POFUT1: variants seen among roughly 807,000 people sequenced by gnomAD.
The protein encoded by POFUT1 is protein O-fucosyltransferase 1.
A neutral mutation model predicts 42.4 loss-of-function variants in POFUT1; 16 were observed. That is an observed-to-expected ratio of 0.38 (90% CI 0.26 to 0.57). The LOEUF is 0.57. Ranked by LOEUF, POFUT1 falls within the 20% of genes least tolerant of loss-of-function variation. The pLI is 0.71. For synonymous variants in POFUT1, 206 were observed against 205.4 expected (o/e 1.00, Z -0.03); for missense variants, 470 against 504.6 (o/e 0.93, Z 0.66).
At chr20:32,216,373 AG>A (rs2047360151) in intron 3 of POFUT1, among the ~76,000 whole-genome samples, 1 of 152,236 alleles carries the variant, frequency 6.6e-6, no homozygotes, top group Non-Finnish European at 1.5e-5. Context: ...CTGGGTCAGC[AG>A]GATGTGACAT....
At chr20:32,223,403 C>T (rs919235719) in intron 4 of POFUT1, 1 of 985,278 alleles carries the variant, frequency 1.0e-6, no homozygotes, top group African/African-American at 1.7e-5. Flanking sequence ...CCCACTGGGA[C>T]AGCTCTTTGC....
chr20:32,237,218 A>G lies in POFUT1; in HGVS notation c.*2557A>G, dbSNP rs142901592. 3.3e-5 allele frequency: 5 copies of G among 153,236 alleles called. No individual in the cohort carries two copies. Among genetic ancestry groups the G allele is most frequent in the African/African-American group, 1.2e-4 (5 of 41,578 alleles). 9.5% of individuals were successfully genotyped at this position (153,236 alleles called of 1,614,324 possible). On this transcript the variant is annotated 3_prime_UTR_variant, in exon 7 of 7. Transcript: ENST00000375749. ...AGCAGGTGTTTGTTCATCACCTACT[A>G]TGTGTCAGGCTCTATGCTAGGTACT...
At chr20:32,210,737 C>G (rs1292750988) in intron 2 of POFUT1, among the ~76,000 whole-genome samples, 1 of 152,206 alleles carries the variant, frequency 6.6e-6, no homozygotes, top group Non-Finnish European at 1.5e-5. Context: ...CGATGCTCAC[C>G]GGCCCCCAGT....
intron 6 of POFUT1, among the ~76,000 whole-genome samples, chr20:32,232,407 A>G (rs551822970): frequency 4.4e-4 from 67 of 152,310 alleles, no homozygotes; most frequent in Non-Finnish European, 7.8e-4. Flanking sequence ...CAACCCCTCT[A>G]TTTTATAGCT....
Position 32,216,641 on chromosome 20 carries a change from G to T in POFUT1, c.462G>T (p.Gln154His), listed in dbSNP as rs1317634198. The stretch of plus-strand genomic sequence containing the variant: ...ACCCCTTTGGCCCATTCTGGGATCA[G>T]TTTCATGTGAGTTTCAACAAGTCGG... Reference protein sequence around the residue: ...EGNPFGPFWDQFHVSFNKSEL... With the variant: ...EGNPFGPFWDHFHVSFNKSEL... The change falls in exon 4 of 7, where the codon CAG (glutamine) becomes CAT (histidine). Residue 154 changes from glutamine (Q) to histidine (H), a missense_variant. Coordinates refer to ENST00000375749, the MANE Select transcript of POFUT1 (RefSeq NM_015352.2). The T allele has an allele frequency of 6.2e-7, 1 of 1,613,654 alleles. No homozygotes were observed. Among genetic ancestry groups the T allele is most frequent in the African/African-American group, 1.3e-5 (1 of 74,922 alleles).
chr20:32,216,710 A>C lies in POFUT1; in HGVS notation c.531A>C (p.Gln177His). 1 of 1,609,018 alleles carries C rather than the reference A, an allele frequency of 6.2e-7. No homozygotes were observed. Among genetic ancestry groups the C allele is most frequent in the Middle Eastern group, 1.7e-4 (1 of 6,058 alleles). The change falls in exon 4 of 7, where the codon CAA becomes CAC. Residue 177 changes from glutamine to histidine, a missense_variant. Transcript: ENST00000375749. Reference sequence around the variant, plus strand: ...CCTTCAGTGCTTCCTACAGAGAACAATGGAGCCAGAGGTACTTGGAGGGGG... The same window carrying C: ...CCTTCAGTGCTTCCTACAGAGAACACTGGAGCCAGAGGTACTTGGAGGGGG... ...GISFSASYRE[Q>H]WSQRFSPKEH...
At chr20:32,209,535 T>C (rs149936844) in intron 1 of POFUT1, among the ~76,000 whole-genome samples, 1 of 152,316 alleles carries the variant, frequency 6.6e-6, no homozygotes, top group African/African-American at 2.4e-5. Flanking sequence ...ATGCTGGGAT[T>C]AAGAAAAGGA....
chr20:32,208,288 AC>A (rs1416296027), intron 1 of POFUT1, among the ~76,000 whole-genome samples: 1 of 152,190 alleles, frequency 6.6e-6, no homozygotes, highest in African/African-American at 2.4e-5. Context: ...GGGAGAGGTT[AC>A]GTGACTTGCT....
rs747192876 is a variant in POFUT1 at position 32,212,885 on chromosome 20, A to ATTT, written c.247-2372_247-2370dup. Among the ~76,000 whole-genome samples the ATTT allele has an allele frequency of 7.8e-5, 11 of 141,362 alleles. No homozygotes were observed. In the South Asian group the frequency reaches 2.5e-3, roughly 32 times the overall value. 92.7% of individuals were successfully genotyped at this position (141,362 alleles called of 152,430 possible). On this transcript the variant is annotated intron_variant, in intron 2 of 6. Transcript: ENST00000375749. ...GCAAAAGCCACTGCGCCCAGCCAGA[A>ATTT]TTTTTTTTTTTTTTCCAAGACGGAG...
intron 3 of POFUT1, among the ~76,000 whole-genome samples, chr20:32,216,044 G>T (rs983461872): frequency 6.6e-6 from 1 of 152,196 alleles, no homozygotes; most frequent in African/African-American, 2.4e-5. Flanking sequence ...ATGAGAGGCT[G>T]TCATATCTTA....
rs1010139844 is a variant in POFUT1 at position 32,216,917 on chromosome 20, G to C, written c.542+196G>C. The C allele has an allele frequency of 1.1e-5, 17 of 1,578,668 alleles. No homozygotes were observed. The East Asian group carries it at 3.6e-4, about 33-fold the overall frequency. On this transcript the variant is annotated intron_variant, in intron 4 of 6. Transcript: ENST00000375749. ...GCCTGACACGGTGGAACATTGACCC[G>C]CCATGAGATTGAGAAAGAGTTCATC...
chr20:32,208,217 C>G (rs2047304391), intron 1 of POFUT1, 152 bp downstream of exon 1: 1 of 816,700 alleles, frequency 1.2e-6, no homozygotes, highest in East Asian at 3.0e-5. Flanking sequence ...GCCTTAGTTG[C>G]AAGGGCACAG....
In POFUT1 at chr20:32,237,957, T is replaced by A; in HGVS notation, c.*3296T>A. ...GATACAAATATTTACATAGTTTTAA[T>A]CATGTAATATATACAATTTAATGTC... On this transcript the variant is annotated 3_prime_UTR_variant, in exon 7 of 7. Transcript: ENST00000375749. 1 of 420,202 alleles carries A rather than the reference T, an allele frequency of 2.4e-6. No individual in the cohort carries two copies. The highest frequency in any genetic ancestry group is 4.9e-6 in the Non-Finnish European group (1 of 204,032). The allele number at this position is 420,202 out of a possible 1,614,324, so 26.0% of individuals were successfully genotyped here.
At position 32,233,459 on chromosome 20, in the gene POFUT1, C is replaced by A. The variant is rs540335600; in HGVS notation, c.979-1014C>A. On this transcript the variant is annotated intron_variant, in intron 6 of 6. Coordinates refer to ENST00000375749, the MANE Select transcript of POFUT1 (RefSeq NM_015352.2). The stretch of plus-strand genomic sequence containing the variant: ...GGGATAAGAAGAGGCCCAGCGAGGA[C>A]CTTGTAGGCCACGTTCACAATTTGT... Among the ~76,000 whole-genome samples, 14 of 152,220 alleles carry A rather than the reference C, an allele frequency of 9.2e-5. No homozygotes were observed. The East Asian group carries it at 2.7e-3, about 29-fold the overall frequency.
chr20:32,228,406 A>G lies in POFUT1; in HGVS notation c.686A>G (p.His229Arg). 3.1e-6 allele frequency: 5 copies of G among 1,614,098 alleles called. No homozygotes were observed. Among genetic ancestry groups the G allele is most frequent in the Non-Finnish European group, 4.2e-6 (5 of 1,179,978 alleles). Residue 229 changes from histidine to arginine, a missense_variant, in exon 5 of 7, where the codon CAC (histidine) becomes CGC (arginine). By Grantham distance (29) the His-to-Arg change is conservative. Transcript: ENST00000375749. ...VKTGEAQIHA[H>R]LVRPYVGIHL... ...ACGGGAGAGGCCCAGATTCATGCCCACCTTGTCCGGCCCTATGTGGGCATT... is the reference window on the plus strand; with the variant it reads ...ACGGGAGAGGCCCAGATTCATGCCCGCCTTGTCCGGCCCTATGTGGGCATT...
At chr20:32,226,108 TTTTG>T (rs1343356818) in intron 4 of POFUT1, among the ~76,000 whole-genome samples, 3 of 65,100 alleles carry the variant, frequency 4.6e-5, no homozygotes, top group African/African-American at 2.5e-4. Context: ...GTGTTTTTTG[TTTTG>T]TTTGTTTTGT....
intron 1 of POFUT1, among the ~76,000 whole-genome samples, chr20:32,208,313 A>G (rs2047305532): frequency 2.0e-5 from 3 of 152,212 alleles, no homozygotes; most frequent in Non-Finnish European, 4.4e-5. Context: ...GGTCTAAGCC[A>G]GTCCAGGGTC....
At chr20:32,215,708 G>A (rs891539001) in intron 3 of POFUT1, among the ~76,000 whole-genome samples, 1 of 152,188 alleles carries the variant, frequency 6.6e-6, no homozygotes, top group Non-Finnish European at 1.5e-5. Flanking sequence ...AGTGTCATGA[G>A]GGCCAGGTGA....
At chr20:32,213,975 G>A (rs1198634985) in intron 2 of POFUT1, among the ~76,000 whole-genome samples, 1 of 152,084 alleles carries the variant, frequency 6.6e-6, no homozygotes, top group Non-Finnish European at 1.5e-5. Context: ...AACTGTTGTG[G>A]ATATAGTGTA....
Sources: allele counts gnomAD v4.1 joint callset (sites outside exome capture counted in the v4.1 genomes callset), GRCh38; gene constraint gnomAD v4.1.1; transcripts MANE v1.5; gene names NCBI Gene and HGNC (gene_info 2026-07-23, HGNC 2026-07-21).